The following RALGPS1 variants were observed in gnomAD, a reference collection of about 807,000 sequenced individuals.
RALGPS1 encodes the protein ras-specific guanine nucleotide-releasing factor RalGPS1.
Under a neutral mutation model 78.8 loss-of-function variants are expected in RALGPS1, and 19 were observed. That is an observed-to-expected ratio of 0.24 (90% CI 0.17 to 0.35). The LOEUF (loss-of-function observed/expected upper bound fraction) is 0.35. Ranked by LOEUF, RALGPS1 falls within the 10% of genes least tolerant of loss-of-function variation. The pLI, the probability that RALGPS1 is intolerant of heterozygous loss-of-function variation, is 1.00. For missense variants in RALGPS1, 454 were observed against 688.3 expected, an observed-to-expected ratio of 0.66 and a Z score of 3.81; for synonymous variants, 228 against 256.3, an observed-to-expected ratio of 0.89 and a Z score of 1.06.
chr9:127,066,117 GGCT>G (rs1448559169), intron 7 of RALGPS1, among the ~76,000 whole-genome samples: 1 of 152,216 alleles, frequency 6.6e-6, no homozygotes, highest in African/African-American at 2.4e-5. Flanking sequence ...GCACTTGACA[GGCT>G]GGGCAGGTAG....
intron 13 of RALGPS1, 135 bp from the exon 14 acceptor site, chr9:127,198,880 G>T: frequency 1.3e-6 from 1 of 791,946 alleles, no homozygotes. Flanking sequence ...ACTCGAGTAC[G>T]TTGAGGCTCC....
chr9:127,192,066 A>T (rs1206692016), intron 11 of RALGPS1, among the ~76,000 whole-genome samples: 4 of 152,194 alleles, frequency 2.6e-5, no homozygotes, highest in Admixed American at 1.3e-4. Context: ...GTCATGGATG[A>T]TTTCAAGCAA....
chr9:127,108,861 G>A (rs1173901959), intron 8 of RALGPS1: 11 of 1,038,936 alleles, frequency 1.1e-5, no homozygotes, highest in Non-Finnish European at 1.2e-5. Context: ...CAGCCTTCTC[G>A]CCAGGCAGGC....
At chr9:127,162,337 GC>G (rs2059067826) in intron 8 of RALGPS1, among the ~76,000 whole-genome samples, 7 of 152,334 alleles carry the variant, frequency 4.6e-5, no homozygotes, top group Admixed American at 6.5e-5. Flanking sequence ...TCAGCACTGT[GC>G]CTGACATGGT....
intron 4 of RALGPS1, among the ~76,000 whole-genome samples, chr9:126,985,482 A>G (rs1204691014): frequency 2.0e-5 from 3 of 152,234 alleles, no homozygotes; most frequent in African/African-American, 7.2e-5. Flanking sequence ...ATATAACATT[A>G]TAGAGTTGTT....
At chr9:127,010,073 G>T (rs2044207031) in intron 4 of RALGPS1, among the ~76,000 whole-genome samples, 1 of 152,138 alleles carries the variant, frequency 6.6e-6, no homozygotes, top group Non-Finnish European at 1.5e-5. Context: ...GGGCCACCGT[G>T]CTGAAGGGCT....
chr9:127,026,931 C>T (rs895644048), intron 4 of RALGPS1, among the ~76,000 whole-genome samples: 4 of 152,052 alleles, frequency 2.6e-5, no homozygotes, highest in Admixed American at 6.5e-5. Flanking sequence ...ACTTTTTGCC[C>T]GGGGGTGGAT....
chr9:127,003,261 C>T (rs1282877904), intron 4 of RALGPS1, among the ~76,000 whole-genome samples: 1 of 152,024 alleles, frequency 6.6e-6, no homozygotes, highest in Admixed American at 6.6e-5. Context: ...TCAGAGTGAA[C>T]AGGCAGCCTA....
At chr9:127,165,283 C>T (rs896760537) in intron 8 of RALGPS1, among the ~76,000 whole-genome samples, 2 of 152,244 alleles carry the variant, frequency 1.3e-5, no homozygotes, top group Admixed American at 6.5e-5. Context: ...GTCTGAAGCT[C>T]GGCCCTGCAG....
chr9:127,085,036 C>T (rs1041682064), intron 8 of RALGPS1, among the ~76,000 whole-genome samples: 15 of 152,184 alleles, frequency 9.9e-5, no homozygotes, highest in African/African-American at 3.6e-4. Context: ...GCATGGTACA[C>T]TCCCATTACC....
chr9:127,179,298 A>G (rs528310823), intron 11 of RALGPS1, among the ~76,000 whole-genome samples: 1 of 152,340 alleles, frequency 6.6e-6, no homozygotes, highest in Non-Finnish European at 1.5e-5. Context: ...TAGCAGCCTC[A>G]GAAGACAGAG....
intron 7 of RALGPS1, 26 bp from the exon 8 acceptor site, chr9:127,069,204 T>A (rs752665604): frequency 1.3e-6 from 2 of 1,577,966 alleles, no homozygotes; most frequent in South Asian, 2.2e-5. Flanking sequence ...GTTTACTTAT[T>A]TTGCTATATT....
In RALGPS1 at chr9:127,211,328, C is replaced by G. The variant is rs971818515; in HGVS notation, c.1248-803C>G. Among the ~76,000 whole-genome samples, 3 of 152,112 alleles carry G rather than the reference C, an allele frequency of 2.0e-5. No homozygotes were observed. The highest frequency in any genetic ancestry group is 2.9e-5 in the Non-Finnish European group (2 of 68,018). On this transcript the variant is annotated intron_variant, in intron 14 of 18. Coordinates refer to ENST00000259351, the MANE Select transcript of RALGPS1 (RefSeq NM_014636.3). The surrounding 1 kb of genome is among the most constrained non-coding windows in gnomAD (Gnocchi z 5.0). Reference sequence around the variant, plus strand: ...TGGCCGGTGTGGACCCAGGAAGGCCCGTGGAGCGCACTGGGCAGTGGCTCG... The same window carrying G: ...TGGCCGGTGTGGACCCAGGAAGGCCGGTGGAGCGCACTGGGCAGTGGCTCG...
chr9:127,187,698 C>T (rs1456032120), intron 11 of RALGPS1, among the ~76,000 whole-genome samples: 2 of 152,222 alleles, frequency 1.3e-5, no homozygotes, highest in Non-Finnish European at 2.9e-5. Flanking sequence ...ACTGTAATCC[C>T]TCGCGCATGG....
chr9:127,050,180 C>A, intron 6 of RALGPS1, 48 bp downstream of exon 6: 1 of 1,388,570 alleles, frequency 7.2e-7, no homozygotes, highest in Non-Finnish European at 1.0e-6. Context: ...TTCTCTCCCA[C>A]ACCTCCTCCC....
rs767707630 is a variant in RALGPS1, at chr9:127,218,618, C to T, written c.1645-122C>T. The T allele has an allele frequency of 2.1e-4, 221 of 1,036,946 alleles. No homozygotes were observed. In the Middle Eastern group the frequency reaches 3.5e-3, roughly 16 times the overall value. The allele number at this position is 1,036,946 out of a possible 1,614,324, so 64.2% of individuals were successfully genotyped here. ...GCTATTGTTATTGCCATACCCTCTCCCTACCCAACCTGCTCATTCCCAGAC... is the reference window on the plus strand; with the variant it reads ...GCTATTGTTATTGCCATACCCTCTCTCTACCCAACCTGCTCATTCCCAGAC... On this transcript the variant is annotated intron_variant, in intron 18 of 18. Transcript: ENST00000259351. This position sits in a 1 kb window ranked among gnomAD's most constrained non-coding sequence, Gnocchi z 4.4.
intron 4 of RALGPS1, among the ~76,000 whole-genome samples, chr9:127,015,234 A>G (rs2044707548): frequency 6.6e-6 from 1 of 152,232 alleles, no homozygotes; most frequent in African/African-American, 2.4e-5. Context: ...GCAGACCTGG[A>G]TATGAATTCC....
At chr9:127,171,094 A>G (rs2059545111) in intron 10 of RALGPS1, among the ~76,000 whole-genome samples, 2 of 152,368 alleles carry the variant, frequency 1.3e-5, no homozygotes, top group Admixed American at 6.5e-5. Context: ...ATGTTATGCC[A>G]AGAGGTCCAA....
chr9:127,203,579 C>T (rs963208650), intron 14 of RALGPS1, among the ~76,000 whole-genome samples: 1 of 151,570 alleles, frequency 6.6e-6, no homozygotes. Context: ...GGAAGTGAGG[C>T]TGGGGCAGGG....
Sources: allele counts gnomAD v4.1 joint callset (sites outside exome capture counted in the v4.1 genomes callset), GRCh38; gene constraint gnomAD v4.1.1; non-coding constraint Gnocchi (gnomAD v3.1); transcripts MANE v1.5; gene names NCBI Gene and HGNC (gene_info 2026-07-23, HGNC 2026-07-21).